KDM4B: variants seen among roughly 807,000 people sequenced by gnomAD.
KDM4B encodes lysine-specific demethylase 4B.
In KDM4B, 32 loss-of-function variants were observed where a neutral mutation model predicts 125.2. That is an observed-to-expected ratio of 0.26 (90% CI 0.19 to 0.34). The LOEUF (loss-of-function observed/expected upper bound fraction) is 0.34. Ranked by LOEUF, KDM4B falls within the 10% of genes least tolerant of loss-of-function variation. The pLI is 1.00. For missense variants in KDM4B, 1,190 were observed against 1,577.7 expected, an observed-to-expected ratio of 0.75 and a Z score of 4.16; for synonymous variants, 721 against 677.9, an observed-to-expected ratio of 1.06 and a Z score of -0.99.
intron 1 of KDM4B, among the ~76,000 whole-genome samples, chr19:4,984,520 C>G (rs75322733): frequency 0.026 from 3,977 of 152,166 alleles, 187 homozygotes; most frequent in African/African-American, 0.091. Flanking sequence ...AAGCTGGACC[C>G]GAGGCAGCGT....
At chr19:4,978,910 CAG>C (rs1268735423) in intron 1 of KDM4B, among the ~76,000 whole-genome samples, 1 of 152,198 alleles carries the variant, frequency 6.6e-6, no homozygotes, top group East Asian at 1.9e-4. Context: ...CGTGCCTGGT[CAG>C]GGGCGCAGGG....
intron 11 of KDM4B, among the ~76,000 whole-genome samples, chr19:5,120,257 C>T (rs1040707466): frequency 1.3e-5 from 2 of 152,114 alleles, no homozygotes; most frequent in African/African-American, 2.4e-5. Flanking sequence ...AGGTTGAGGC[C>T]GTAGTGAGCC....
chr19:5,027,378 A>G (rs1470153844), intron 2 of KDM4B, among the ~76,000 whole-genome samples: 1 of 152,128 alleles, frequency 6.6e-6, no homozygotes, highest in African/African-American at 2.4e-5. Flanking sequence ...TCCCCAAGAC[A>G]AAAGGTCTGG....
intron 2 of KDM4B, among the ~76,000 whole-genome samples, chr19:5,020,882 CACGCCTGTCAT>C (rs2036095904): frequency 6.6e-6 from 1 of 152,130 alleles, no homozygotes; most frequent in Non-Finnish European, 1.5e-5. Context: ...TGTGGTGGCT[CACGCCTGTCAT>C]ACCAGCACTT....
rs1356766117 is a variant in KDM4B, at chr19:5,077,408, C to A, written c.718C>A (p.Arg240=). The stretch of plus-strand genomic sequence containing the variant: ...CTCGCAGGGCTGCGACGCCTTCCTG[C>A]GGCATAAGATGACCCTCATCTCGCC... ...GSSQGCDAFL[R]HKMTLISPII... Residue 240 remains arginine, a synonymous_variant, in exon 8 of 23, where the codon CGG becomes AGG. Coordinates refer to ENST00000159111, the MANE Select transcript of KDM4B (RefSeq NM_015015.3). 1 of 1,613,170 alleles carries A rather than the reference C, an allele frequency of 6.2e-7. No individual in the cohort carries two copies. Among genetic ancestry groups the A allele is most frequent in the African/African-American group, 1.3e-5 (1 of 74,950 alleles).
chr19:5,067,463 C>T (rs949341860), intron 6 of KDM4B, among the ~76,000 whole-genome samples: 14 of 152,192 alleles, frequency 9.2e-5, no homozygotes, highest in Non-Finnish European at 1.8e-4. Context: ...GTCCTGGGGA[C>T]GTGCTCTGAA....
At chr19:4,974,863 T>C (rs1162203424) in intron 1 of KDM4B, among the ~76,000 whole-genome samples, 4 of 151,982 alleles carry the variant, frequency 2.6e-5, no homozygotes, top group Non-Finnish European at 5.9e-5. Context: ...TCTGGGCCCT[T>C]TCGCGTGGCC....
At chr19:5,029,507 A>T (rs965189021) in intron 2 of KDM4B, among the ~76,000 whole-genome samples, 1 of 152,054 alleles carries the variant, frequency 6.6e-6, no homozygotes, top group African/African-American at 2.4e-5. Flanking sequence ...TCTCTGTATG[A>T]TTTACTTCCT....
intron 7 of KDM4B, chr19:5,077,165 G>A: frequency 1.7e-6 from 1 of 600,624 alleles, no homozygotes; most frequent in Non-Finnish European, 3.0e-6. Flanking sequence ...AGGGCACTAT[G>A]GGGCGGCTCC....
At chr19:5,092,595 T>G (rs950021249) in intron 9 of KDM4B, among the ~76,000 whole-genome samples, 1 of 152,200 alleles carries the variant, frequency 6.6e-6, no homozygotes, top group Non-Finnish European at 1.5e-5. Context: ...CAGTCTTCTC[T>G]ACCATCCTTC....
At chr19:5,014,851 C>T (rs1172076301) in intron 1 of KDM4B, among the ~76,000 whole-genome samples, 6 of 152,012 alleles carry the variant, frequency 3.9e-5, no homozygotes, top group Admixed American at 6.5e-5. Flanking sequence ...AAAAATTAGC[C>T]GGGCATGGTG....
intron 6 of KDM4B, among the ~76,000 whole-genome samples, chr19:5,056,899 TGGGGCG>T: frequency 7.1e-6 from 1 of 141,618 alleles, no homozygotes; most frequent in East Asian, 2.3e-4. Context: ...CGGGGAGTCC[TGGGGCG>T]GGGAGTCCTG....
At chr19:5,133,862 C>G (rs781018861) in intron 13 of KDM4B, 21 bp from the exon 14 acceptor site, 2 of 1,610,324 alleles carry the variant, frequency 1.2e-6, no homozygotes, top group East Asian at 4.5e-5. Flanking sequence ...GTCTCTCTCC[C>G]TCTCCCCTCT....
At chr19:4,980,020 G>A (rs533442150) in intron 1 of KDM4B, among the ~76,000 whole-genome samples, 1 of 152,142 alleles carries the variant, frequency 6.6e-6, no homozygotes, top group East Asian at 1.9e-4. Context: ...CATGAGAATC[G>A]CTTGAACCCA....
Position 5,110,465 on chromosome 19 carries a change from G to C in KDM4B, c.919-157G>C, listed in dbSNP as rs563148386. Among the ~76,000 whole-genome samples, 3 of 152,276 alleles carry C rather than the reference G, an allele frequency of 2.0e-5. No individual in the cohort carries two copies. In the East Asian group the frequency reaches 5.8e-4, roughly 29 times the overall value. On this transcript the variant is annotated intron_variant, in intron 9 of 22. Transcript: ENST00000159111. The stretch of plus-strand genomic sequence containing the variant: ...CCAGCCTGGGCGACAGAGTGAGACC[G>C]TGTCTCGAAAAGAAAAATGTTCTAG...
rs77601356 is a variant in KDM4B at position 5,059,666 on chromosome 19, C to T, written c.627-11344C>T. Among the ~76,000 whole-genome samples, 232 of 152,350 alleles carry T rather than the reference C, an allele frequency of 1.5e-3. 1 individual carries two copies. The Middle Eastern group carries it at 0.024, about 16-fold the overall frequency. ...CCAAAGCTAGTCCCATCATTACACG[C>T]GCCATTTAGGACGCTCCAGGCCATC... On this transcript the variant is annotated intron_variant, in intron 6 of 22. Transcript: ENST00000159111.
At chr19:5,096,873 C>T (rs539271638) in intron 9 of KDM4B, among the ~76,000 whole-genome samples, 106 of 152,262 alleles carry the variant, frequency 7.0e-4, no homozygotes, top group African/African-American at 2.4e-3. Flanking sequence ...AGTGTCCCTC[C>T]GTTTCTGGAT....
At chr19:5,108,138 TC>T (rs572440364) in intron 9 of KDM4B, among the ~76,000 whole-genome samples, 1 of 152,066 alleles carries the variant, frequency 6.6e-6, no homozygotes, top group Admixed American at 6.5e-5. Flanking sequence ...TGTCTGCCTG[TC>T]CCCCCTCCAC....
chr19:5,113,860 G>A lies in KDM4B; in HGVS notation c.1115+3042G>A, dbSNP rs1038622987. On this transcript the variant is annotated intron_variant, in intron 10 of 22. Transcript: ENST00000159111. ...AGCCTTCCCTGCCCTCGGCGTGGCT[G>A]TGGGATGGCCCTCATGTGTTTACCA... 12 of 983,486 alleles carry A rather than the reference G, an allele frequency of 1.2e-5. No individual in the cohort carries two copies. In the African/African-American group the frequency reaches 1.6e-4, roughly 13 times the overall value. The allele number at this position is 983,486 out of a possible 1,614,324, so 60.9% of individuals were successfully genotyped here.
Sources: gnomAD v4.1 joint callset for allele counts (sites outside exome capture counted in the v4.1 genomes callset) on GRCh38, gnomAD v4.1.1 for gene constraint, MANE v1.5 for transcripts, NCBI Gene and HGNC (gene_info 2026-07-23, HGNC 2026-07-21) for gene names.